SLC28A3: variants seen among roughly 807,000 people sequenced by gnomAD.
SLC28A3 encodes the protein concentrative Na(+)-nucleoside cotransporter 3.
Under a neutral mutation model 84.2 loss-of-function variants are expected in SLC28A3, and 68 were observed. The ratio of observed to expected loss-of-function variants is 0.81; its 90% CI spans 0.66 to 0.99. The LOEUF is 0.99. SLC28A3 is among the 50% of genes least tolerant of loss of function. The probability of loss-of-function intolerance (pLI) is 0.00; values close to 1 mark genes in which losing one functional copy is unlikely to be tolerated. For synonymous variants in SLC28A3, 267 were observed against 303.6 expected, an observed-to-expected ratio of 0.88 and a Z score of 1.25; for missense variants, 712 against 841.5, an observed-to-expected ratio of 0.85 and a Z score of 1.90.
At chr9:84,319,669 A>G (rs923643282) in intron 1 of SLC28A3, among the ~76,000 whole-genome samples, 6 of 152,170 alleles carry the variant, frequency 3.9e-5, no homozygotes, top group East Asian at 3.8e-4. Context: ...GACTATTTCA[A>G]ACTGGCTCTA....
the SLC28A3 span, among the ~76,000 whole-genome samples, chr9:84,355,814 T>C: frequency 5.7e-5 from 7 of 123,000 alleles, no homozygotes; most frequent in Non-Finnish European, 1.3e-4. Context: ...CCTTTTCTTA[T>C]TTTATTTTAT....
rs374533094 is a variant in SLC28A3, at chr9:84,328,202, C to G, written c.60+12372G>C. Among the ~76,000 whole-genome samples the G allele has an allele frequency of 8.1e-4, 115 of 141,502 alleles. 1 individual carries two copies. The highest frequency in any genetic ancestry group is 2.9e-3 in the African/African-American group (108 of 36,750). The allele number at this position is 141,502 out of a possible 152,430, so 92.8% of individuals were successfully genotyped here. On this transcript the variant is annotated intron_variant, in intron 1 of 17. Coordinates refer to ENST00000376238, the MANE Select transcript of SLC28A3 (RefSeq NM_001199633.2). ...ACACACACACACACACATATTCACA[C>G]AAAATAAAAATATAAATCCTATCTT...
chr9:84,292,718 A>T lies in SLC28A3; in HGVS notation c.973T>A (p.Ser325Thr), dbSNP rs1258493454. 2.1e-5 allele frequency: 33 copies of T among 1,605,270 alleles called. No individual in the cohort carries two copies. Among genetic ancestry groups the T allele is most frequent in the Non-Finnish European group, 2.8e-5 (33 of 1,177,122 alleles). The change falls in exon 10 of 18, where the codon TCA becomes ACA. Residue 325 changes from serine (S) to threonine (T), a missense_variant. Ser to Thr is a moderately conservative substitution (Grantham distance 58, BLOSUM62 1). Coordinates refer to ENST00000376238, the MANE Select transcript of SLC28A3 (RefSeq NM_001199633.2). ...GCAACTACAGATTCAATAGGAGATG[A>T]TCCCGTAGTAACTAGCATGATCCAT... Reference protein sequence around the residue: ...VGWIMLVTTGSSPIESVVASG... With the variant: ...VGWIMLVTTGTSPIESVVASG...
At chr9:84,293,565 T>C (rs7042416) in intron 9 of SLC28A3, among the ~76,000 whole-genome samples, 1,800 of 152,336 alleles carry the variant, frequency 0.012, 38 homozygotes, top group African/African-American at 0.042. Flanking sequence ...TCTGTGCTCG[T>C]GTGTGGTGCA....
chr9:84,339,414 T>C (rs1223428527), intron 1 of SLC28A3, among the ~76,000 whole-genome samples: 1 of 151,978 alleles, frequency 6.6e-6, no homozygotes. Flanking sequence ...CATGCCCGGC[T>C]GATTTTTGTA....
the SLC28A3 span, among the ~76,000 whole-genome samples, chr9:84,349,267 G>A: frequency 6.6e-6 from 1 of 152,220 alleles, no homozygotes; most frequent in Non-Finnish European, 1.5e-5. Context: ...CAGGCCATCT[G>A]GATGTATAAG....
chr9:84,292,463 GTCTC>G lies in SLC28A3; in HGVS notation c.1023+201_1023+204del, dbSNP rs539592818. 1,916 of 500,556 alleles carry G rather than the reference GTCTC, an allele frequency of 3.8e-3. 35 individuals are homozygous for G. Among genetic ancestry groups the G allele is most frequent in the African/African-American group, 0.036 (1,742 of 48,342 alleles). 31.0% of individuals were successfully genotyped at this position (500,556 alleles called of 1,614,324 possible). On this transcript the variant is annotated intron_variant, in intron 10 of 17. Coordinates refer to ENST00000376238, the MANE Select transcript of SLC28A3 (RefSeq NM_001199633.2). The stretch of plus-strand genomic sequence containing the variant: ...TCTCTCTGTGTCTCTCTGTCTCTCT[GTCTC>G]TCTCTCTGTCTCTCTCTCTCTCTCT...
At chr9:84,304,201 A>G (rs754487627) in intron 4 of SLC28A3, among the ~76,000 whole-genome samples, 1 of 152,256 alleles carries the variant, frequency 6.6e-6, no homozygotes, top group Non-Finnish European at 1.5e-5. Flanking sequence ...GCAGAATGGC[A>G]TGGTTTTGAC....
rs568952633 is a variant in SLC28A3 at position 84,278,472 on chromosome 9, G to A, written c.1950-128C>T. On this transcript the variant is annotated intron_variant, in intron 17 of 17. Coordinates refer to ENST00000376238, the MANE Select transcript of SLC28A3 (RefSeq NM_001199633.2). ...TTCTTGCTCACATTCTGGTTAGGGT[G>A]GATTAAAGGACAGAGACACTGGGGA... The A allele has an allele frequency of 2.4e-5, 29 of 1,222,796 alleles. 1 individual carries two copies. The highest frequency in any genetic ancestry group is 5.4e-4 in the Middle Eastern group (2 of 3,680). The allele number at this position is 1,222,796 out of a possible 1,614,324, so 75.7% of individuals were successfully genotyped here.
chr9:84,361,921 A>C, the SLC28A3 span, among the ~76,000 whole-genome samples: 1,111 of 152,014 alleles, frequency 7.3e-3, 15 homozygotes, highest in African/African-American at 0.025. Context: ...AAAATAAATA[A>C]ATAAATAAAT....
chr9:84,292,011 T>C (rs561100823), intron 10 of SLC28A3, among the ~76,000 whole-genome samples: 1 of 152,286 alleles, frequency 6.6e-6, no homozygotes, highest in African/African-American at 2.4e-5. Flanking sequence ...GAGGTGAAAA[T>C]TGAAGTCTAA....
At chr9:84,307,595 T>C (rs1417575455) in intron 3 of SLC28A3, among the ~76,000 whole-genome samples, 1 of 152,194 alleles carries the variant, frequency 6.6e-6, no homozygotes, top group African/African-American at 2.4e-5. Flanking sequence ...CAGTGCTCTC[T>C]AGAAAATATT....
chr9:84,309,661 C>T lies in SLC28A3; in HGVS notation c.210G>A (p.Met70Ile), dbSNP rs1164793939. ...EQDSPRNREH[M>I]EDDDEEMQQK... Reference sequence around the variant, plus strand: ...GTTGCATCTCCTCATCATCATCCTCCATGTGTTCTCTGTTTCTTGGAGAAT... The same window carrying T: ...GTTGCATCTCCTCATCATCATCCTCTATGTGTTCTCTGTTTCTTGGAGAAT... Residue 70 changes from methionine to isoleucine, a missense_variant, in exon 3 of 18, where the codon ATG (methionine) becomes ATA (isoleucine). Transcript: ENST00000376238. 1.9e-6 allele frequency: 3 copies of T among 1,613,712 alleles called. No individual in the cohort carries two copies. Among genetic ancestry groups the T allele is most frequent in the African/African-American group, 1.3e-5 (1 of 74,824 alleles).
Position 84,277,072 on chromosome 9 carries a change from C to G in SLC28A3, c.*1146G>C, listed in dbSNP as rs1413506429. 1 of 152,256 alleles carries G rather than the reference C, an allele frequency of 6.6e-6. No homozygotes were observed. Among genetic ancestry groups the G allele is most frequent in the Non-Finnish European group, 1.5e-5 (1 of 68,052 alleles). The allele number at this position is 152,256 out of a possible 1,614,324, so 9.4% of individuals were successfully genotyped here. A position where few individuals can be genotyped will look rare whatever the true frequency, so the allele number is the denominator to read the frequency against. ...ATGCCATCCTGGTCAATGAAATTAT[C>G]AACGCAAGGTTTTCAGAGCTCAACC... On this transcript the variant is annotated 3_prime_UTR_variant, in exon 18 of 18. Coordinates refer to ENST00000376238, the MANE Select transcript of SLC28A3 (RefSeq NM_001199633.2).
chr9:84,279,590 C>G (rs1404465954), intron 16 of SLC28A3, among the ~76,000 whole-genome samples: 1 of 152,122 alleles, frequency 6.6e-6, no homozygotes, highest in East Asian at 1.9e-4. Context: ...TACAGGCACG[C>G]ACCCAGCTAA....
chr9:84,307,720 T>C lies in SLC28A3; in HGVS notation c.242+1909A>G, dbSNP rs537970395. On this transcript the variant is annotated intron_variant, in intron 3 of 17. Coordinates refer to ENST00000376238, the MANE Select transcript of SLC28A3 (RefSeq NM_001199633.2). ...GAAGCAGCAGCAGCAGAGGGTGACA[T>C]TTAATAGGGTACATTCACATACTGT... Among the ~76,000 whole-genome samples, 13 of 152,330 alleles carry C rather than the reference T, an allele frequency of 8.5e-5. No individual in the cohort carries two copies. The East Asian group carries it at 2.3e-3, about 27-fold the overall frequency.
chr9:84,347,985 G>A, the SLC28A3 span, among the ~76,000 whole-genome samples: 1 of 152,078 alleles, frequency 6.6e-6, no homozygotes, highest in Non-Finnish European at 1.5e-5. Context: ...CTCTCCAAGA[G>A]CCAACACTAG....
intron 8 of SLC28A3, among the ~76,000 whole-genome samples, chr9:84,295,854 T>A (rs1825395025): frequency 6.6e-6 from 1 of 152,120 alleles, no homozygotes; most frequent in African/African-American, 2.4e-5. Context: ...TTGTACAGGA[T>A]CTAATTTAGA....
chr9:84,356,754 C>G, the SLC28A3 span, among the ~76,000 whole-genome samples: 1 of 151,954 alleles, frequency 6.6e-6, no homozygotes, highest in African/African-American at 2.4e-5. Context: ...TCACTTGAAC[C>G]CGGGAAGCAG....
Sources: gnomAD v4.1 joint callset for allele counts (sites outside exome capture counted in the v4.1 genomes callset) on GRCh38, gnomAD v4.1.1 for gene constraint, MANE v1.5 for transcripts, NCBI Gene and HGNC (gene_info 2026-07-23, HGNC 2026-07-21) for gene names.